The following LDB2 variants were observed in gnomAD, a reference collection of about 807,000 sequenced individuals.
LDB2 encodes LIM domain-binding protein 2.
Under a neutral mutation model 44.3 loss-of-function variants are expected in LDB2, and 12 were observed. The observed-to-expected ratio is 0.27, with a 90% CI of 0.17 to 0.44. The LOEUF is 0.44. Ranked by LOEUF, LDB2 falls within the 20% of genes least tolerant of loss-of-function variation. LDB2 has a pLI of 1.00. For synonymous variants in LDB2, 164 were observed against 174.8 expected (o/e 0.94, Z 0.49); for missense variants, 344 against 473.5 (o/e 0.73, Z 2.54).
intron 1 of LDB2, among the ~76,000 whole-genome samples, chr4:16,780,658 C>A (rs1335691856): frequency 6.6e-6 from 1 of 152,074 alleles, no homozygotes; most frequent in African/African-American, 2.4e-5. Flanking sequence ...TCTCCAGATC[C>A]CAATCCAGTA....
At chr4:16,685,381 GT>G (rs1445267751) in intron 2 of LDB2, among the ~76,000 whole-genome samples, 10 of 151,814 alleles carry the variant, frequency 6.6e-5, no homozygotes, top group African/African-American at 2.4e-4. Flanking sequence ...AGTTTTTTTT[GT>G]TTTGTTTTGT....
chr4:16,638,683 C>A (rs1209748283), intron 2 of LDB2, among the ~76,000 whole-genome samples: 1 of 152,166 alleles, frequency 6.6e-6, no homozygotes, highest in Non-Finnish European at 1.5e-5. Flanking sequence ...TGTATTCATT[C>A]AGCAAAAACA....
At chr4:16,687,458 T>A (rs182931493) in intron 2 of LDB2, among the ~76,000 whole-genome samples, 30 of 152,278 alleles carry the variant, frequency 2.0e-4, no homozygotes, top group African/African-American at 7.2e-4. Flanking sequence ...GATCTTGGAC[T>A]TCCTGCCTCC....
At chr4:16,892,223 G>A (rs913806104) in intron 1 of LDB2, among the ~76,000 whole-genome samples, 1 of 152,128 alleles carries the variant, frequency 6.6e-6, no homozygotes, top group Non-Finnish European at 1.5e-5. Flanking sequence ...AGTGTGGTTT[G>A]TATGTCTCCC....
chr4:16,653,735 A>G (rs13129152), intron 2 of LDB2: 90,296 of 152,056 alleles, frequency 0.59, 27,247 homozygotes, highest in Admixed American at 0.71. Flanking sequence ...ACCTCGAGGG[A>G]CTTGGGCTCA....
chr4:16,525,368 A>C (rs764243142), intron 5 of LDB2, among the ~76,000 whole-genome samples: 3 of 152,220 alleles, frequency 2.0e-5, no homozygotes, highest in Non-Finnish European at 4.4e-5. Flanking sequence ...GCTCTGACGC[A>C]AAGGAAAGGA....
At chr4:16,558,935 C>G (rs966444179) in intron 5 of LDB2, among the ~76,000 whole-genome samples, 31 of 152,216 alleles carry the variant, frequency 2.0e-4, no homozygotes, top group Admixed American at 1.2e-3. Flanking sequence ...AATTTTCAAC[C>G]CAGAATTTCA....
chr4:16,543,067 T>G (rs1734444699), intron 5 of LDB2, among the ~76,000 whole-genome samples: 1 of 152,070 alleles, frequency 6.6e-6, no homozygotes, highest in Non-Finnish European at 1.5e-5. Flanking sequence ...AATGATGGTT[T>G]CCAGCTTCAT....
intron 2 of LDB2, among the ~76,000 whole-genome samples, chr4:16,725,101 C>T (rs1237745573): frequency 6.6e-6 from 1 of 152,132 alleles, no homozygotes; most frequent in Non-Finnish European, 1.5e-5. Context: ...CATATAGAAG[C>T]AGCAGAACAG....
chr4:16,633,765 T>C (rs1021458674), intron 2 of LDB2, among the ~76,000 whole-genome samples: 1 of 152,212 alleles, frequency 6.6e-6, no homozygotes, highest in Non-Finnish European at 1.5e-5. Context: ...AAAACTATTT[T>C]AAACTTCATA....
intron 2 of LDB2, among the ~76,000 whole-genome samples, chr4:16,713,204 C>T (rs1161391565): frequency 6.6e-6 from 1 of 152,148 alleles, no homozygotes; most frequent in Non-Finnish European, 1.5e-5. Flanking sequence ...AGTAGGAATG[C>T]AAATGTGCAG....
chr4:16,706,388 A>G (rs565136796), intron 2 of LDB2, among the ~76,000 whole-genome samples: 7 of 152,340 alleles, frequency 4.6e-5, no homozygotes, highest in African/African-American at 1.4e-4. Flanking sequence ...GGACACATCA[A>G]GAAAGTGGCC....
chr4:16,733,832 A>G (rs991285479), intron 2 of LDB2, among the ~76,000 whole-genome samples: 10 of 152,180 alleles, frequency 6.6e-5, no homozygotes, highest in African/African-American at 2.4e-4. Context: ...CTTCATTTTG[A>G]TGTTGCCTAA....
At chr4:16,711,379 T>G (rs775983403) in intron 2 of LDB2, among the ~76,000 whole-genome samples, 3 of 152,212 alleles carry the variant, frequency 2.0e-5, no homozygotes, top group Non-Finnish European at 4.4e-5. Context: ...AGGTAAAGCA[T>G]GTGCACCATT....
At chr4:16,828,705 C>T (rs1196129342) in intron 1 of LDB2, among the ~76,000 whole-genome samples, 4 of 139,010 alleles carry the variant, frequency 2.9e-5, no homozygotes, top group Non-Finnish European at 3.2e-5. Flanking sequence ...AGCAAGACCA[C>T]GTGCACTTAA....
intron 2 of LDB2, among the ~76,000 whole-genome samples, chr4:16,716,258 G>C (rs1343522180): frequency 6.6e-6 from 1 of 152,278 alleles, no homozygotes. Context: ...TCTCAGTATA[G>C]TGGGCCTTCA....
chr4:16,643,178 T>C (rs1166913143), intron 2 of LDB2, among the ~76,000 whole-genome samples: 3 of 48,006 alleles, frequency 6.2e-5, no homozygotes, highest in Non-Finnish European at 1.2e-4. Context: ...AGTATCTTTG[T>C]GGGGTGGGAT....
At chr4:16,756,879 A>T (rs1766772996) in intron 2 of LDB2, among the ~76,000 whole-genome samples, 1 of 151,672 alleles carries the variant, frequency 6.6e-6, no homozygotes, top group Admixed American at 6.6e-5. Flanking sequence ...AAGAATGAAA[A>T]GTTTTTTCTA....
rs574990818 is a variant in LDB2, at chr4:16,778,274, A to AAC, written c.133-19016_133-19015dup. Among the ~76,000 whole-genome samples, 10 of 152,168 alleles carry AAC rather than the reference A, an allele frequency of 6.6e-5. No individual in the cohort carries two copies. The East Asian group carries it at 1.7e-3, about 26-fold the overall frequency. ...AGGACCATCAAACCACTCCTCATGC[A>AAC]ACACACACACACAATCATACGCACA... is the stretch of plus-strand genomic sequence containing the variant. On this transcript the variant is annotated intron_variant, in intron 1 of 7. Transcript: ENST00000304523.
Sources: gnomAD v4.1 joint callset for allele counts (sites outside exome capture counted in the v4.1 genomes callset) on GRCh38, gnomAD v4.1.1 for gene constraint, MANE v1.5 for transcripts, NCBI Gene and HGNC (gene_info 2026-07-23, HGNC 2026-07-21) for gene names.